The following SEC63 variants were observed in gnomAD, a reference collection of about 807,000 sequenced individuals.
SEC63 encodes translocation protein SEC63 homolog.
A neutral mutation model predicts 116.2 loss-of-function variants in SEC63; 56 were observed. The observed-to-expected ratio is 0.48, with a 90% CI of 0.39 to 0.60. The LOEUF (loss-of-function observed/expected upper bound fraction) is 0.60. Among genes scored for constraint, SEC63 ranks in the 20% least tolerant of loss-of-function variants. SEC63 has a pLI of 0.00. For synonymous variants in SEC63, 273 were observed against 294.6 expected (o/e 0.93, Z 0.75); for missense variants, 668 against 900.0 (o/e 0.74, Z 3.30).
At chr6:107,897,523 A>G (rs1401979582) in intron 14 of SEC63, 126 bp downstream of exon 14, 5 of 729,198 alleles carry the variant, frequency 6.9e-6, no homozygotes, top group South Asian at 6.1e-5. Flanking sequence ...ATTTCAAAAG[A>G]GTTAACAGAA....
At chr6:107,953,453 G>C (rs1440014094) in intron 1 of SEC63, among the ~76,000 whole-genome samples, 6 of 143,348 alleles carry the variant, frequency 4.2e-5, no homozygotes, top group South Asian at 2.3e-4. Context: ...GGGCACCTCT[G>C]CCCGGCCGCC....
chr6:107,935,233 G>T (rs1184341318), intron 1 of SEC63, among the ~76,000 whole-genome samples: 6 of 151,462 alleles, frequency 4.0e-5, no homozygotes, highest in African/African-American at 7.3e-5. Context: ...CTGCCCGGCC[G>T]CCCCTACTGG....
At chr6:107,877,071 G>GTATATATA (rs1554231968) in intron 18 of SEC63, 78 of 34,614 alleles carry the variant, frequency 2.3e-3, no homozygotes, top group African/African-American at 3.8e-3. Context: ...ATATGTGTGT[G>GTATATATA]TATATATATA....
At chr6:107,895,388 C>T (rs1786791090) in intron 14 of SEC63, among the ~76,000 whole-genome samples, 2 of 152,110 alleles carry the variant, frequency 1.3e-5, no homozygotes, top group Admixed American at 1.3e-4. Flanking sequence ...AAAACAACAT[C>T]TTTGATTCAA....
At position 107,876,557 on chromosome 6, in the gene SEC63, T is replaced by C. The variant is rs1786271751; in HGVS notation, c.2034+7A>G. The stretch of plus-strand genomic sequence containing the variant: ...TAAACACTGAAATCATGTTGCTTGA[T>C]AGTTACCTCCTCTGTATCTTTCAGC... On this transcript the variant is annotated splice_region_variant and intron_variant, in intron 19 of 20. Transcript: ENST00000369002. 6.5e-7 allele frequency: 1 copy of C among 1,528,770 alleles called. No homozygotes were observed. Among genetic ancestry groups the C allele is most frequent in the Non-Finnish European group, 9.1e-7 (1 of 1,104,756 alleles). 94.7% of individuals were successfully genotyped at this position (1,528,770 alleles called of 1,614,324 possible). A position where few individuals can be genotyped will look rare whatever the true frequency, so the allele number is the denominator to read the frequency against.
At chr6:107,899,835 C>A (rs1786956926) in intron 13 of SEC63, among the ~76,000 whole-genome samples, 1 of 152,204 alleles carries the variant, frequency 6.6e-6, no homozygotes, top group Non-Finnish European at 1.5e-5. Flanking sequence ...TCAGCACAGT[C>A]CTAAATACAG....
chr6:107,886,386 T>G (rs1025622467), intron 16 of SEC63, among the ~76,000 whole-genome samples: 3 of 152,320 alleles, frequency 2.0e-5, no homozygotes, highest in Admixed American at 1.3e-4. Context: ...GTAATGGGAT[T>G]GCTGGGTCAA....
Position 107,929,453 on chromosome 6 carries a change from C to T in SEC63, c.186G>A (p.Arg62=), listed in dbSNP as rs1787749642. The part of the protein sequence containing the change: ...VYGRCMWYRL[R]LLKPQPNIIP... ...TAATATTTGGCTGGGGTTTTAATAA[C>T]CGTAAACGATACCACATACACCTTC... is the stretch of plus-strand genomic sequence containing the variant. The change falls in exon 2 of 21, where the codon CGG becomes CGA. Residue 62 remains arginine (R), a synonymous_variant. Transcript: ENST00000369002. The T allele has an allele frequency of 6.2e-7, 1 of 1,601,576 alleles. No homozygotes were observed. The highest frequency in any genetic ancestry group is 1.3e-5 in the African/African-American group (1 of 74,776).
chr6:107,889,678 G>A (rs1225482254), intron 16 of SEC63, among the ~76,000 whole-genome samples: 1 of 152,010 alleles, frequency 6.6e-6, no homozygotes, highest in African/African-American at 2.4e-5. Context: ...ATGTTAGGGT[G>A]TCGATTTTAG....
intron 19 of SEC63, among the ~76,000 whole-genome samples, chr6:107,875,867 T>C (rs1332215602): frequency 6.6e-6 from 1 of 152,128 alleles, no homozygotes; most frequent in Non-Finnish European, 1.5e-5. Context: ...AGACCAAAAT[T>C]ACAAACATAC....
At chr6:107,920,537 A>G (rs553952968) in intron 4 of SEC63, among the ~76,000 whole-genome samples, 2 of 151,976 alleles carry the variant, frequency 1.3e-5, no homozygotes, top group South Asian at 2.1e-4. Context: ...TTTGTGACTC[A>G]CTTTATTGCA....
At chr6:107,876,689 A>AAAC in intron 18 of SEC63, 27 bp from the exon 19 acceptor site, 1 of 1,387,886 alleles carries the variant, frequency 7.2e-7, no homozygotes, top group Non-Finnish European at 1.0e-6. Context: ...AAAAAAAAAA[A>AAAC]GAAGAGGGGT....
At chr6:107,919,025 C>A (rs1386140539) in intron 4 of SEC63, among the ~76,000 whole-genome samples, 1 of 150,866 alleles carries the variant, frequency 6.6e-6, no homozygotes, top group Non-Finnish European at 1.5e-5. Flanking sequence ...AGTCTCCTGC[C>A]TCAGCCTCTC....
rs1786057253 is a variant in SEC63, at chr6:107,868,747, CTA to C, written c.*2955_*2956del. On this transcript the variant is annotated 3_prime_UTR_variant, in exon 21 of 21. Coordinates refer to ENST00000369002, the MANE Select transcript of SEC63 (RefSeq NM_007214.5). Reference sequence around the variant, plus strand: ...ATGGATTGCCACTCATCTACCTGCTCTAACACCAGCGAGTGAGTTCTTAACAC... The same window carrying C: ...ATGGATTGCCACTCATCTACCTGCTCACACCAGCGAGTGAGTTCTTAACAC... The C allele has an allele frequency of 1.3e-5, 2 of 151,772 alleles. No individual in the cohort carries two copies. The highest frequency in any genetic ancestry group is 4.1e-4 in the South Asian group (2 of 4,824). The allele number at this position is 151,772 out of a possible 1,614,324, so 9.4% of individuals were successfully genotyped here. A position where few individuals can be genotyped will look rare whatever the true frequency, so the allele number is the denominator to read the frequency against.
At chr6:107,915,025 C>G (rs1562327295) in intron 4 of SEC63, among the ~76,000 whole-genome samples, 1 of 152,132 alleles carries the variant, frequency 6.6e-6, no homozygotes, top group Non-Finnish European at 1.5e-5. Context: ...AATAAGTCAG[C>G]AACTTAAAGT....
chr6:107,924,907 C>A lies in SEC63; in HGVS notation c.250G>T (p.Ala84Ser). Residue 84 changes from alanine to serine, a missense_variant, in exon 3 of 21, where the codon GCA becomes TCA. Coordinates refer to ENST00000369002, the MANE Select transcript of SEC63 (RefSeq NM_007214.5). ...VKKIVLLAGW[A>S]LFLFLAYKVS... is the part of the protein sequence containing the mutation. Reference sequence around the variant, plus strand: ...TTATATGCAAGGAATAAGAACAATGCCCATCCTGCAAGCAGAACTATTTTC... The same window carrying A: ...TTATATGCAAGGAATAAGAACAATGACCATCCTGCAAGCAGAACTATTTTC... 1 of 1,595,136 alleles carries A rather than the reference C, an allele frequency of 6.3e-7. No homozygotes were observed. The highest frequency in any genetic ancestry group is 2.2e-5 in the East Asian group (1 of 44,716).
intron 4 of SEC63, among the ~76,000 whole-genome samples, chr6:107,921,182 A>C (rs1322808311): frequency 6.6e-6 from 1 of 152,186 alleles, no homozygotes; most frequent in Admixed American, 6.5e-5. Context: ...AAAACAAGAG[A>C]AACAGATCAA....
intron 8 of SEC63, among the ~76,000 whole-genome samples, chr6:107,908,618 C>A (rs1029820869): frequency 2.0e-5 from 3 of 152,072 alleles, no homozygotes; most frequent in Non-Finnish European, 2.9e-5. Context: ...AGTCAAGACA[C>A]ATACAGTAAC....
At chr6:107,871,964 G>C (rs1786145183) in intron 20 of SEC63, 117 bp from the exon 21 acceptor site, 2 of 981,034 alleles carry the variant, frequency 2.0e-6, no homozygotes, top group Middle Eastern at 2.3e-4. Context: ...GTTTTTTATG[G>C]ACACAATTCT....
Sources: gnomAD v4.1 joint callset for allele counts (sites outside exome capture counted in the v4.1 genomes callset) on GRCh38, gnomAD v4.1.1 for gene constraint, MANE v1.5 for transcripts, NCBI Gene and HGNC (gene_info 2026-07-23, HGNC 2026-07-21) for gene names.